Variants in TMEM132C observed in about 807,000 individuals in gnomAD.
TMEM132C encodes the protein transmembrane protein 132C.
TMEM132C carries 29 observed loss-of-function variants against 61.4 expected under a neutral mutation model. The ratio of observed to expected loss-of-function variants is 0.47; its 90% CI spans 0.35 to 0.64. The LOEUF (loss-of-function observed/expected upper bound fraction) is 0.64, where lower values mean the gene tolerates loss of function less well. TMEM132C is among the 30% of genes least tolerant of loss of function. TMEM132C has a pLI of 0.00. For synonymous variants in TMEM132C, 656 were observed against 633.1 expected, an observed-to-expected ratio of 1.04 and a Z score of -0.54; for missense variants, 1,408 against 1,476.9, an observed-to-expected ratio of 0.95 and a Z score of 0.76.
At chr12:128,519,588 C>T (rs1220322878) in intron 2 of TMEM132C, among the ~76,000 whole-genome samples, 4 of 152,208 alleles carry the variant, frequency 2.6e-5, no homozygotes, top group African/African-American at 4.8e-5. Flanking sequence ...TACAGCCCCA[C>T]GGACTAAGCC....
chr12:128,502,888 A>G (rs1285268172), intron 2 of TMEM132C, among the ~76,000 whole-genome samples: 5 of 152,204 alleles, frequency 3.3e-5, no homozygotes, highest in African/African-American at 4.8e-5. Flanking sequence ...TAGAAAACAC[A>G]TGTAGATAGA....
intron 1 of TMEM132C, among the ~76,000 whole-genome samples, chr12:128,297,851 A>T (rs540745771): frequency 1.3e-5 from 2 of 152,350 alleles, no homozygotes; most frequent in South Asian, 4.1e-4. Flanking sequence ...GGCCCTGCTC[A>T]ACCTGTCTAC....
intron 2 of TMEM132C, among the ~76,000 whole-genome samples, chr12:128,478,912 C>T (rs540728413): frequency 2.6e-4 from 39 of 152,264 alleles, no homozygotes; most frequent in African/African-American, 8.7e-4. Context: ...TGTGCATTTG[C>T]GACTTTTCAT....
intron 3 of TMEM132C, among the ~76,000 whole-genome samples, chr12:128,566,727 C>T (rs1411101420): frequency 2.0e-5 from 3 of 152,172 alleles, no homozygotes; most frequent in Admixed American, 6.5e-5. Flanking sequence ...TGCCACATCA[C>T]GTAGTTCGTA....
intron 2 of TMEM132C, among the ~76,000 whole-genome samples, chr12:128,436,809 G>T (rs1274081426): frequency 6.6e-6 from 1 of 152,140 alleles, no homozygotes; most frequent in Non-Finnish European, 1.5e-5. Flanking sequence ...TATACCCAAA[G>T]GATTATAAAT....
At chr12:128,347,059 C>G (rs1184094739) in intron 1 of TMEM132C, among the ~76,000 whole-genome samples, 2 of 152,158 alleles carry the variant, frequency 1.3e-5, no homozygotes, top group Non-Finnish European at 2.9e-5. Context: ...AATATGTAGT[C>G]TTTTATCCCT....
Position 128,695,749 on chromosome 12 carries a change from T to A in TMEM132C, c.1656-81T>A, listed in dbSNP as rs1057318943. ...TGTCTTCAATGTGGTCTCCTTGAGG[T>A]TGAGGTGAGCGCCTGCCTGTCTCAA... On this transcript the variant is annotated intron_variant, in intron 6 of 8. Transcript: ENST00000435159. 6.3e-6 allele frequency: 9 copies of A among 1,432,968 alleles called. No homozygotes were observed. The African/African-American group carries it at 1.3e-4, about 20-fold the overall frequency. 88.8% of individuals were successfully genotyped at this position (1,432,968 alleles called of 1,614,324 possible). A position where few individuals can be genotyped will look rare whatever the true frequency, so the allele number is the denominator to read the frequency against.
chr12:128,436,108 G>A (rs1401773160), intron 2 of TMEM132C, among the ~76,000 whole-genome samples: 1 of 152,120 alleles, frequency 6.6e-6, no homozygotes, highest in African/African-American at 2.4e-5. Context: ...GTAGAAAGCT[G>A]AAACTGGATC....
At chr12:128,703,984 T>C (rs1954819830) in intron 8 of TMEM132C, among the ~76,000 whole-genome samples, 1 of 152,036 alleles carries the variant, frequency 6.6e-6, no homozygotes, top group African/African-American at 2.4e-5. Flanking sequence ...AGGCCTTCTG[T>C]GGGATTATGT....
At chr12:128,575,947 G>A (rs1376693346) in intron 3 of TMEM132C, among the ~76,000 whole-genome samples, 5 of 152,122 alleles carry the variant, frequency 3.3e-5, no homozygotes, top group African/African-American at 1.2e-4. Flanking sequence ...CCTTTCTTGG[G>A]CATCATGAAT....
chr12:128,406,170 C>G (rs1393594494), intron 1 of TMEM132C, among the ~76,000 whole-genome samples: 1 of 152,222 alleles, frequency 6.6e-6, no homozygotes, highest in Non-Finnish European at 1.5e-5. Flanking sequence ...CCAATTCTTC[C>G]TACCACACGT....
intron 3 of TMEM132C, among the ~76,000 whole-genome samples, chr12:128,578,847 CTCTTCCTCCCAAAG>C: frequency 6.6e-6 from 1 of 152,274 alleles, no homozygotes; most frequent in Middle Eastern, 3.4e-3. Context: ...ATCTGCCCGC[CTCTTCCTCCCAAAG>C]TGCTGGGATT....
At chr12:128,485,833 G>A (rs999517116) in intron 2 of TMEM132C, among the ~76,000 whole-genome samples, 4 of 152,186 alleles carry the variant, frequency 2.6e-5, no homozygotes, top group East Asian at 1.9e-4. Context: ...GACGGAGGGC[G>A]CGGAGGTTTC....
chr12:128,686,084 T>C (rs1374160374), intron 5 of TMEM132C, among the ~76,000 whole-genome samples: 2 of 150,002 alleles, frequency 1.3e-5, no homozygotes, highest in African/African-American at 2.5e-5. Flanking sequence ...TGTGCGCATG[T>C]GTGTTGTGTG....
intron 3 of TMEM132C, among the ~76,000 whole-genome samples, chr12:128,593,513 C>T (rs10773559): frequency 0.17 from 25,293 of 152,154 alleles, 3,104 homozygotes; most frequent in East Asian, 0.52. Context: ...GGAGCTCAGG[C>T]TTTGACCTGG....
At chr12:128,533,112 C>T (rs1046754911) in intron 2 of TMEM132C, among the ~76,000 whole-genome samples, 4 of 152,144 alleles carry the variant, frequency 2.6e-5, no homozygotes, top group South Asian at 4.1e-4. Context: ...GTACCACTTG[C>T]AAAGGGCCAG....
At chr12:128,549,941 G>A (rs1874106124) in intron 3 of TMEM132C, among the ~76,000 whole-genome samples, 1 of 152,116 alleles carries the variant, frequency 6.6e-6, no homozygotes, top group Non-Finnish European at 1.5e-5. Context: ...CTGCCTCGGA[G>A]GACAAGCTGT....
intron 1 of TMEM132C, among the ~76,000 whole-genome samples, chr12:128,341,307 T>A (rs1177575900): frequency 6.6e-6 from 1 of 152,230 alleles, no homozygotes; most frequent in Non-Finnish European, 1.5e-5. Context: ...GCAATGGGAA[T>A]ACATTTGTTA....
chr12:128,560,366 C>A (rs1423203433), intron 3 of TMEM132C, among the ~76,000 whole-genome samples: 1 of 152,206 alleles, frequency 6.6e-6, no homozygotes, highest in Non-Finnish European at 1.5e-5. Context: ...CTGGACCTTA[C>A]CCCATGCTTC....
Sources: allele counts gnomAD v4.1 joint callset (sites outside exome capture counted in the v4.1 genomes callset), GRCh38; gene constraint gnomAD v4.1.1; transcripts MANE v1.5; gene names NCBI Gene and HGNC (gene_info 2026-07-23, HGNC 2026-07-21).